Variants in DORIP1 observed in about 807,000 individuals in gnomAD.
DORIP1 encodes dopamine receptor interacting protein 1.
the DORIP1 span, chr14:44,903,364 C>A: frequency 6.6e-7 from 1 of 1,522,252 alleles, no homozygotes; most frequent in Non-Finnish European, 9.0e-7. Context: ...GGCAGATGTG[C>A]TCCTTGAAGT....
the DORIP1 span, chr14:44,900,859 A>G: frequency 6.2e-7 from 1 of 1,614,104 alleles, no homozygotes; most frequent in Non-Finnish European, 8.5e-7. Context: ...TTTTACAAAA[A>G]ATCTTGAAAA....
the DORIP1 span, among the ~76,000 whole-genome samples, chr14:44,902,259 G>C: frequency 0.21 from 31,986 of 152,016 alleles, 7,274 homozygotes; most frequent in African/African-American, 0.57. Context: ...CTGCCTCATG[G>C]CTCACTACTT....
chr14:44,900,093 G>A, the DORIP1 span, among the ~76,000 whole-genome samples: 1 of 152,088 alleles, frequency 6.6e-6, no homozygotes, highest in Non-Finnish European at 1.5e-5. Context: ...GCCTCCCAAA[G>A]TACTGGGATT....
chr14:44,905,114 A>C, the DORIP1 span: 904 of 305,476 alleles, frequency 3.0e-3, 3 homozygotes, highest in Non-Finnish European at 3.5e-3. Flanking sequence ...TTCCCTGTAA[A>C]AGTTTTCTTA....
At chr14:44,899,824 A>ATTT in the DORIP1 span, among the ~76,000 whole-genome samples, 34 of 115,270 alleles carry the variant, frequency 2.9e-4, no homozygotes, top group Non-Finnish European at 4.5e-4. Flanking sequence ...TCATTTAGGA[A>ATTT]TTTTTTTTTT....
chr14:44,901,238 A>T, the DORIP1 span, among the ~76,000 whole-genome samples: 1 of 152,330 alleles, frequency 6.6e-6, no homozygotes, highest in East Asian at 1.9e-4. Context: ...TCGGTGTGTA[A>T]AAGGTTATAC....
chr14:44,905,717 G>C, the DORIP1 span: 59 of 410,012 alleles, frequency 1.4e-4, no homozygotes, highest in East Asian at 2.2e-3. Flanking sequence ...TAGAGGATCT[G>C]TGCAAAAATG....
chr14:44,903,811 G>C, the DORIP1 span: 1 of 984,158 alleles, frequency 1.0e-6, no homozygotes, highest in Non-Finnish European at 1.2e-6. Context: ...AGTCCAGAAA[G>C]TGAACGAATA....
At chr14:44,905,025 T>A in the DORIP1 span, 1 of 186,310 alleles carries the variant, frequency 5.4e-6, no homozygotes, top group Admixed American at 5.9e-5. Flanking sequence ...TGGTCATAAT[T>A]TAAACATAAA....
chr14:44,898,268 C>CA, the DORIP1 span, among the ~76,000 whole-genome samples: 1 of 152,144 alleles, frequency 6.6e-6, no homozygotes, highest in Non-Finnish European at 1.5e-5. Flanking sequence ...AACAAATCAC[C>CA]AAATTCATGA....
the DORIP1 span, among the ~76,000 whole-genome samples, chr14:44,899,934 C>G: frequency 6.8e-6 from 1 of 147,696 alleles, no homozygotes; most frequent in African/African-American, 2.5e-5. Flanking sequence ...CAGGTTCAAG[C>G]GATTCTCCTG....
At chr14:44,902,859 T>A in the DORIP1 span, among the ~76,000 whole-genome samples, 1 of 152,220 alleles carries the variant, frequency 6.6e-6, no homozygotes, top group Admixed American at 6.5e-5. Context: ...ATTACTTACA[T>A]TTAATCAGGT....
the DORIP1 span, among the ~76,000 whole-genome samples, chr14:44,900,263 C>A: frequency 6.6e-6 from 1 of 152,136 alleles, no homozygotes; most frequent in Non-Finnish European, 1.5e-5. Context: ...TTCCAGAGAG[C>A]ATGCATAGTG....
the DORIP1 span, chr14:44,904,428 T>G: frequency 6.2e-7 from 1 of 1,611,048 alleles, no homozygotes; most frequent in South Asian, 1.1e-5. Context: ...CCCAACGAAT[T>G]TTCTGCCATG....
At chr14:44,898,903 T>A in the DORIP1 span, 1 of 152,214 alleles carries the variant, frequency 6.6e-6, no homozygotes, top group Non-Finnish European at 1.5e-5. Context: ...CTTACACAAA[T>A]AAAACACGTA....
the DORIP1 span, chr14:44,905,484 G>A: frequency 6.4e-7 from 1 of 1,564,078 alleles, no homozygotes; most frequent in African/African-American, 1.3e-5. Context: ...ATTTAATTTT[G>A]TTAAATAAAC....
the DORIP1 span, chr14:44,904,328 ACT>A: frequency 6.5e-7 from 1 of 1,549,328 alleles, no homozygotes; most frequent in Non-Finnish European, 8.7e-7. Flanking sequence ...CATAAAGACA[ACT>A]CTGAAGTGTT....
the DORIP1 span, among the ~76,000 whole-genome samples, chr14:44,900,135 A>AT: frequency 4.6e-5 from 7 of 151,770 alleles, no homozygotes; most frequent in Non-Finnish European, 7.4e-5. Flanking sequence ...CAGCCTCAGG[A>AT]TTTTTTTTAT....
the DORIP1 span, chr14:44,900,732 C>T: frequency 1.9e-6 from 3 of 1,614,074 alleles, no homozygotes; most frequent in Non-Finnish European, 1.7e-6. Context: ...TGGACACCTA[C>T]AGTTTTACAA....
Sources: allele counts gnomAD v4.1 joint callset (sites outside exome capture counted in the v4.1 genomes callset), GRCh38; gene constraint gnomAD v4.1.1; transcripts MANE v1.5; gene names NCBI Gene and HGNC (gene_info 2026-07-23, HGNC 2026-07-21).